The following GNA14 variants were observed in gnomAD, a reference collection of about 807,000 sequenced individuals.
The protein encoded by GNA14 is G protein subunit alpha 14.
Under a neutral mutation model 42.0 loss-of-function variants are expected in GNA14, and 50 were observed. The observed-to-expected ratio is 1.19, with a 90% CI of 0.95 to 1.51. GNA14 has a LOEUF of 1.51. Among genes scored for constraint, GNA14 ranks in the 40% most tolerant of loss-of-function variants. The pLI, the probability that GNA14 is intolerant of heterozygous loss-of-function variation, is 0.00. For missense variants in GNA14, 473 were observed against 446.2 expected, an observed-to-expected ratio of 1.06 and a Z score of -0.54; for synonymous variants, 173 against 163.1, an observed-to-expected ratio of 1.06 and a Z score of -0.46.
At chr9:77,522,021 G>C (rs576781526) in intron 2 of GNA14, among the ~76,000 whole-genome samples, 40 of 152,256 alleles carry the variant, frequency 2.6e-4, no homozygotes, top group Non-Finnish European at 3.2e-4. Flanking sequence ...ATTTTTAATA[G>C]AGACAGGGCT....
Position 77,493,026 on chromosome 9 carries a change from A to AATATATATATATATATAT in GNA14, c.309+36025_309+36042dup, listed in dbSNP as rs1172872010. The stretch of plus-strand genomic sequence containing the variant: ...AGGAAAAAAAAAAAAAAAAAAAAAA[A>AATATATATATATATATAT]ATATATATATATATATATATTTGGG... On this transcript the variant is annotated intron_variant, in intron 2 of 6. Coordinates refer to ENST00000341700, the MANE Select transcript of GNA14 (RefSeq NM_004297.4). 1.3e-3 allele frequency among the ~76,000 whole-genome samples: 65 copies of AATATATATATATATATAT among 51,652 alleles called. 1 individual carries two copies. The highest frequency in any genetic ancestry group is 3.4e-3 in the East Asian group (3 of 886). 33.9% of individuals were successfully genotyped at this position (51,652 alleles called of 152,430 possible). A position where few individuals can be genotyped will look rare whatever the true frequency, so the allele number is the denominator to read the frequency against.
Position 77,605,690 on chromosome 9 carries a change from C to A in GNA14, c.124+41980G>T, listed in dbSNP as rs551763295. Among the ~76,000 whole-genome samples the A allele has an allele frequency of 8.8e-4, 134 of 152,244 alleles. 2 individuals are homozygous for A. The highest frequency in any genetic ancestry group is 2.6e-3 in the Admixed American group (40 of 15,294). Reference sequence around the variant, plus strand: ...GGCACAGAAAGAGAAATATAGCCGACAAAGACCTATCCAACTAGAAAGGAG... The same window carrying A: ...GGCACAGAAAGAGAAATATAGCCGAAAAAGACCTATCCAACTAGAAAGGAG... On this transcript the variant is annotated intron_variant, in intron 1 of 6. Coordinates refer to ENST00000341700, the MANE Select transcript of GNA14 (RefSeq NM_004297.4).
At chr9:77,450,630 G>A (rs1410369924) in intron 2 of GNA14, among the ~76,000 whole-genome samples, 1 of 151,614 alleles carries the variant, frequency 6.6e-6, no homozygotes, top group Non-Finnish European at 1.5e-5. Context: ...CTCTGGTGCT[G>A]TTAAAATTAT....
intron 1 of GNA14, among the ~76,000 whole-genome samples, chr9:77,553,278 G>A (rs1325592315): frequency 6.6e-6 from 1 of 152,108 alleles, no homozygotes; most frequent in Non-Finnish European, 1.5e-5. Flanking sequence ...AGTAAGGGAA[G>A]GAATGTTTAT....
chr9:77,525,909 T>TTAA (rs1491441006), intron 2 of GNA14, among the ~76,000 whole-genome samples: 81 of 141,504 alleles, frequency 5.7e-4, no homozygotes, highest in South Asian at 1.4e-3. Flanking sequence ...GGACTTTTTT[T>TTAA]AAAAAAAAAA....
intron 1 of GNA14, among the ~76,000 whole-genome samples, chr9:77,542,983 A>C (rs1311057158): frequency 6.6e-6 from 1 of 152,190 alleles, no homozygotes. Context: ...GCAGCAGTGC[A>C]CTTCAGGCCT....
Position 77,489,940 on chromosome 9 carries a change from T to A in GNA14, c.309+39129A>T, listed in dbSNP as rs573662297. Among the ~76,000 whole-genome samples the A allele has an allele frequency of 2.7e-3, 408 of 152,256 alleles. 4 individuals carry two copies. Among genetic ancestry groups the A allele is most frequent in the African/African-American group, 9.1e-3 (380 of 41,544 alleles). Reference sequence around the variant, plus strand: ...GCCACTGGCAGCCTGTTTTTATTCTTATCTGGCCCCGCCCACATCCTGCTG... The same window carrying A: ...GCCACTGGCAGCCTGTTTTTATTCTAATCTGGCCCCGCCCACATCCTGCTG... On this transcript the variant is annotated intron_variant, in intron 2 of 6. Transcript: ENST00000341700.
intron 1 of GNA14, among the ~76,000 whole-genome samples, chr9:77,557,449 A>G (rs1822802670): frequency 6.6e-6 from 1 of 152,244 alleles, no homozygotes; most frequent in Admixed American, 6.5e-5. Flanking sequence ...TAGGACAAGT[A>G]CAGACATTTT....
chr9:77,539,372 C>T (rs780175601), intron 1 of GNA14, among the ~76,000 whole-genome samples: 3 of 152,194 alleles, frequency 2.0e-5, no homozygotes, highest in African/African-American at 7.2e-5. Context: ...GGTCATGGTG[C>T]ATTATGTTCA....
chr9:77,635,705 T>C (rs1014930659), intron 1 of GNA14, among the ~76,000 whole-genome samples: 2 of 152,190 alleles, frequency 1.3e-5, no homozygotes, highest in Non-Finnish European at 2.9e-5. Context: ...GAAAGGCTGT[T>C]TTCAAATCAA....
At chr9:77,578,610 A>T (rs1823166444) in intron 1 of GNA14, among the ~76,000 whole-genome samples, 1 of 152,208 alleles carries the variant, frequency 6.6e-6, no homozygotes, top group Non-Finnish European at 1.5e-5. Context: ...CATAAAATTT[A>T]AAAAATTGAA....
intron 1 of GNA14, among the ~76,000 whole-genome samples, chr9:77,604,659 A>C (rs1204128276): frequency 6.6e-6 from 1 of 152,202 alleles, no homozygotes; most frequent in Non-Finnish European, 1.5e-5. Flanking sequence ...AAGCAAAATC[A>C]CATAATCCAG....
intron 1 of GNA14, among the ~76,000 whole-genome samples, chr9:77,563,116 C>G (rs1477411382): frequency 1.3e-5 from 2 of 152,176 alleles, no homozygotes; most frequent in Non-Finnish European, 2.9e-5. Context: ...GCTCAAAACC[C>G]CTCACCATGC....
chr9:77,469,769 G>A (rs1288217763), intron 2 of GNA14, among the ~76,000 whole-genome samples: 1 of 152,146 alleles, frequency 6.6e-6, no homozygotes, highest in African/African-American at 2.4e-5. Flanking sequence ...AGACAGTCTT[G>A]GCATGGTTGG....
rs916536313 is a variant in GNA14 at position 77,593,542 on chromosome 9, T to C, written c.124+54128A>G. Reference sequence around the variant, plus strand: ...CCAGGCTGGTCTCGAACTCCTGATCTCAGGTGATCCACTCACCTCAGCCTC... The same window carrying C: ...CCAGGCTGGTCTCGAACTCCTGATCCCAGGTGATCCACTCACCTCAGCCTC... On this transcript the variant is annotated intron_variant, in intron 1 of 6. Transcript: ENST00000341700. Among the ~76,000 whole-genome samples the C allele has an allele frequency of 3.3e-5, 5 of 152,276 alleles. No homozygotes were observed. In the East Asian group the frequency reaches 9.7e-4, roughly 29 times the overall value.
At chr9:77,514,500 T>C (rs1050628812) in intron 2 of GNA14, among the ~76,000 whole-genome samples, 5 of 152,030 alleles carry the variant, frequency 3.3e-5, no homozygotes, top group Non-Finnish European at 7.4e-5. Context: ...AGAATTATAA[T>C]GTAATACGAA....
intron 1 of GNA14, among the ~76,000 whole-genome samples, chr9:77,620,848 C>CAAAA (rs35141766): frequency 8.0e-4 from 59 of 74,036 alleles, no homozygotes; most frequent in African/African-American, 2.7e-3. Context: ...AATCTTGTCT[C>CAAAA]AAAAAAAAAA....
intron 2 of GNA14, among the ~76,000 whole-genome samples, chr9:77,443,367 C>T (rs1470610182): frequency 6.6e-6 from 1 of 152,158 alleles, no homozygotes; most frequent in Non-Finnish European, 1.5e-5. Context: ...TTCATCTTCT[C>T]TAGAAACTCT....
chr9:77,482,383 C>T (rs1039141508), intron 2 of GNA14, among the ~76,000 whole-genome samples: 1 of 152,162 alleles, frequency 6.6e-6, no homozygotes, highest in Non-Finnish European at 1.5e-5. Context: ...GAATATTGGT[C>T]CCCACTCTCT....
Sources: allele counts gnomAD v4.1 joint callset (sites outside exome capture counted in the v4.1 genomes callset), GRCh38; gene constraint gnomAD v4.1.1; transcripts MANE v1.5; gene names NCBI Gene and HGNC (gene_info 2026-07-23, HGNC 2026-07-21).